The following MXI1 variants were observed in gnomAD, a reference collection of about 807,000 sequenced individuals.
The protein encoded by MXI1 is MAX interactor 1, dimerization protein.
In MXI1, 18 loss-of-function variants were observed where a neutral mutation model predicts 36.9. That is an observed-to-expected ratio of 0.49 (90% CI 0.34 to 0.72). The LOEUF (loss-of-function observed/expected upper bound fraction) is 0.72. Ranked by LOEUF, MXI1 falls within the 30% of genes least tolerant of loss-of-function variation. MXI1 has a pLI of 0.01. For synonymous variants in MXI1, 160 were observed against 146.7 expected (o/e 1.09, Z -0.65); for missense variants, 304 against 379.1 (o/e 0.80, Z 1.64).
chr10:110,208,745 C>T (rs904372547), intron 1 of MXI1, among the ~76,000 whole-genome samples: 1 of 148,622 alleles, frequency 6.7e-6, no homozygotes, highest in Admixed American at 6.6e-5. Context: ...CCGCCGCCCC[C>T]CCCCCCCCAA....
chr10:110,239,919 A>G (rs1855609447), intron 2 of MXI1, among the ~76,000 whole-genome samples: 2 of 151,562 alleles, frequency 1.3e-5, no homozygotes, highest in Admixed American at 1.3e-4. Context: ...CCCCTCCCCA[A>G]GGTAACTGCA....
chr10:110,280,507 T>C (rs1046582551), intron 5 of MXI1, among the ~76,000 whole-genome samples: 4 of 151,794 alleles, frequency 2.6e-5, no homozygotes, highest in East Asian at 3.9e-4. Flanking sequence ...GGTAAAATCC[T>C]GTCTCTACTA....
chr10:110,210,769 C>T (rs1194852628), intron 1 of MXI1, among the ~76,000 whole-genome samples: 2 of 152,230 alleles, frequency 1.3e-5, no homozygotes, highest in African/African-American at 4.8e-5. Flanking sequence ...CTGCTCGCTG[C>T]ACACAATGCC....
intron 5 of MXI1, 83 bp from the exon 6 acceptor site, chr10:110,284,741 C>T (rs894213379): frequency 1.6e-6 from 2 of 1,221,958 alleles, no homozygotes; most frequent in Non-Finnish European, 2.2e-6. Context: ...ATTTCTTATA[C>T]CTCTTTTCCT....
intron 3 of MXI1, among the ~76,000 whole-genome samples, chr10:110,258,291 A>G (rs1564719597): frequency 6.6e-6 from 1 of 152,162 alleles, no homozygotes; most frequent in Non-Finnish European, 1.5e-5. Context: ...AAAGTCCTGA[A>G]GAAGATAATT....
At chr10:110,241,486 T>C (rs1044789597) in intron 2 of MXI1, among the ~76,000 whole-genome samples, 4 of 151,990 alleles carry the variant, frequency 2.6e-5, no homozygotes, top group Non-Finnish European at 4.4e-5. Flanking sequence ...TAGTGTGTGA[T>C]ACATTTAATT....
chr10:110,236,124 C>G (rs200075603), intron 2 of MXI1, among the ~76,000 whole-genome samples: 100 of 33,576 alleles, frequency 3.0e-3, no homozygotes, highest in African/African-American at 0.011. Context: ...GGTTGAAGTT[C>G]TTTTTTTTTT....
intron 2 of MXI1, among the ~76,000 whole-genome samples, chr10:110,237,773 T>C (rs1350276664): frequency 1.3e-5 from 2 of 152,154 alleles, no homozygotes; most frequent in Non-Finnish European, 2.9e-5. Context: ...CTCAGGAAAG[T>C]GCTACACTTT....
chr10:110,232,267 A>G (rs1386903331), intron 2 of MXI1, among the ~76,000 whole-genome samples: 1 of 152,098 alleles, frequency 6.6e-6, no homozygotes, highest in East Asian at 1.9e-4. Flanking sequence ...GCCAGTTCTT[A>G]TGAATTACAT....
intron 3 of MXI1, among the ~76,000 whole-genome samples, chr10:110,263,577 T>C (rs1452699585): frequency 1.3e-5 from 2 of 152,202 alleles, no homozygotes; most frequent in Non-Finnish European, 1.5e-5. Flanking sequence ...GTGACAGATC[T>C]TTTCTGTTAT....
rs112009086 is a variant in MXI1 at position 110,235,687 on chromosome 10, C to CAAAAA, written c.407+7368_407+7372dup. ...TGGGTGACAGAGCAAGACTCTGTCTCAAAAAATAAATAAATAAATAAATAA... is the reference window on the plus strand; with the variant it reads ...TGGGTGACAGAGCAAGACTCTGTCTCAAAAAAAAAAATAAATAAATAAATAAATAA... On this transcript the variant is annotated intron_variant, in intron 2 of 5. Transcript: ENST00000332674. 6.2e-4 allele frequency among the ~76,000 whole-genome samples: 83 copies of CAAAAA among 133,708 alleles called. 3 individuals carry two copies. The East Asian group carries it at 0.015, about 25-fold the overall frequency. The allele number at this position is 133,708 out of a possible 152,430, so 87.7% of individuals were successfully genotyped here.
chr10:110,215,762 A>C (rs141304386), intron 1 of MXI1, among the ~76,000 whole-genome samples: 1 of 152,290 alleles, frequency 6.6e-6, no homozygotes, highest in Non-Finnish European at 1.5e-5. Flanking sequence ...GAGGAGCTAG[A>C]AGGTGGTGGC....
intron 1 of MXI1, among the ~76,000 whole-genome samples, chr10:110,210,012 C>A (rs1201370409): frequency 6.8e-6 from 1 of 146,862 alleles, no homozygotes; most frequent in East Asian, 2.1e-4. Flanking sequence ...CACCCGCAGA[C>A]AATCGGAGAC....
chr10:110,283,566 T>G (rs1293053670), intron 5 of MXI1, among the ~76,000 whole-genome samples: 1 of 152,040 alleles, frequency 6.6e-6, no homozygotes, highest in East Asian at 1.9e-4. Context: ...TTTTTTTTTT[T>G]TTTAAAGCAG....
In MXI1 at chr10:110,207,871, C is replaced by G. The variant is rs951071307; in HGVS notation, c.63C>G (p.Ala21=). ...GCGAGGGCGCGGGGCTGGCCCCCGC[C>G]GCGCCCCCGGCTGTGCCCCCCGCCG... ...ARCEGAGLAP[A]APPAVPPAVA... is the part of the protein sequence containing the mutation. Residue 21 remains alanine (A), a synonymous_variant, in exon 1 of 6, where the codon GCC becomes GCG. Transcript: ENST00000332674. The G allele has an allele frequency of 4.1e-5, 50 of 1,214,834 alleles. No individual in the cohort carries two copies. The African/African-American group carries it at 7.6e-4, about 18-fold the overall frequency. The allele number at this position is 1,214,834 out of a possible 1,614,324, so 75.3% of individuals were successfully genotyped here.
chr10:110,243,032 T>G (rs1372928151), intron 2 of MXI1, among the ~76,000 whole-genome samples: 3 of 152,046 alleles, frequency 2.0e-5, no homozygotes, highest in African/African-American at 7.2e-5. Flanking sequence ...TTATTCAAAT[T>G]TTGAATTATA....
intron 1 of MXI1, among the ~76,000 whole-genome samples, chr10:110,220,067 T>C (rs956652525): frequency 5.9e-5 from 9 of 152,226 alleles, no homozygotes; most frequent in Admixed American, 2.0e-4. Flanking sequence ...TTGAGACCAT[T>C]GCTTTAACCA....
intron 1 of MXI1, among the ~76,000 whole-genome samples, chr10:110,224,840 G>T (rs1038697992): frequency 1.3e-5 from 2 of 152,056 alleles, no homozygotes; most frequent in African/African-American, 4.8e-5. Flanking sequence ...TAGAGACAGG[G>T]TTTCACCATG....
At chr10:110,268,628 A>T (rs1332849206) in intron 3 of MXI1, among the ~76,000 whole-genome samples, 1 of 152,176 alleles carries the variant, frequency 6.6e-6, no homozygotes, top group Admixed American at 6.5e-5. Context: ...CCTACTATAT[A>T]TAACACTGAG....
Sources: allele counts gnomAD v4.1 joint callset (sites outside exome capture counted in the v4.1 genomes callset), GRCh38; gene constraint gnomAD v4.1.1; transcripts MANE v1.5; gene names NCBI Gene and HGNC (gene_info 2026-07-23, HGNC 2026-07-21).